Variants in RBFOX1 observed in about 807,000 individuals in gnomAD.
RBFOX1 encodes the protein RNA binding fox-1 homolog 1.
RBFOX1 carries 8 observed loss-of-function variants against 57.7 expected under a neutral mutation model. That is an observed-to-expected ratio of 0.14 (90% CI 0.08 to 0.25). The LOEUF is 0.25. Among genes scored for constraint, RBFOX1 ranks in the 10% least tolerant of loss-of-function variants. The pLI, the probability that RBFOX1 is intolerant of heterozygous loss-of-function variation, is 1.00. For missense variants in RBFOX1, 611 were observed against 548.5 expected (o/e 1.11, Z -1.14); for synonymous variants, 326 against 222.4 (o/e 1.47, Z -4.15).
rs139303046 is a variant in RBFOX1 at position 6,470,811 on chromosome 16, A to T, written c.-64+153754A>T. On this transcript the variant is annotated intron_variant, in intron 2 of 15. Coordinates refer to ENST00000550418, the MANE Select transcript of RBFOX1 (RefSeq NM_018723.4). ...TTTTTATCCTTTTTTTAACACCTCC[A>T]GTTATACATGTCTTCTAGTGTTTCT... is the stretch of plus-strand genomic sequence containing the variant. 5.0e-3 allele frequency among the ~76,000 whole-genome samples: 762 copies of T among 152,154 alleles called. 6 individuals are homozygous for T. The highest frequency in any genetic ancestry group is 0.018 in the African/African-American group (732 of 41,528).
At chr16:6,402,109 G>A (rs1192278207) in intron 2 of RBFOX1, among the ~76,000 whole-genome samples, 1 of 149,498 alleles carries the variant, frequency 6.7e-6, no homozygotes, top group African/African-American at 2.5e-5. Context: ...AAAAAAAAAA[G>A]CATTTTCTTG....
chr16:6,000,114 A>G (rs146892704), intron 4 of RBFOX1, among the ~76,000 whole-genome samples: 1 of 151,890 alleles, frequency 6.6e-6, no homozygotes, highest in African/African-American at 2.4e-5. Flanking sequence ...ACCTCCTCCT[A>G]TTATCTCATA....
At chr16:5,875,868 G>T (rs531552551) in intron 4 of RBFOX1, among the ~76,000 whole-genome samples, 1 of 150,736 alleles carries the variant, frequency 6.6e-6, no homozygotes, top group Admixed American at 6.6e-5. Context: ...TTTTGAGAGG[G>T]AGTCTTGCTT....
chr16:6,704,642 A>T (rs2062414917), intron 3 of RBFOX1: 1 of 152,730 alleles, frequency 6.5e-6, no homozygotes. Flanking sequence ...AGAGACAGAG[A>T]CAGGGAGAGA....
At chr16:7,136,289 TCA>T (rs1302167182) in intron 4 of RBFOX1, among the ~76,000 whole-genome samples, 1 of 152,162 alleles carries the variant, frequency 6.6e-6, no homozygotes, top group East Asian at 1.9e-4. Context: ...AATCAACAGT[TCA>T]GTTTGTCTCA....
intron 1 of RBFOX1, among the ~76,000 whole-genome samples, chr16:5,441,688 A>G (rs2068089247): frequency 6.6e-6 from 1 of 152,150 alleles, no homozygotes; most frequent in Non-Finnish European, 1.5e-5. Context: ...ATTGACTCAC[A>G]GTTCAGCATG....
intron 4 of RBFOX1, among the ~76,000 whole-genome samples, chr16:7,513,384 A>G (rs1343118390): frequency 2.0e-5 from 3 of 152,164 alleles, no homozygotes; most frequent in African/African-American, 7.2e-5. Context: ...CCTAACAACT[A>G]CCTGTGACTG....
chr16:6,407,389 A>G (rs2093319115), intron 2 of RBFOX1, among the ~76,000 whole-genome samples: 1 of 151,998 alleles, frequency 6.6e-6, no homozygotes. Flanking sequence ...CTATACCTAT[A>G]TGTATATATT....
chr16:6,971,092 A>G (rs1354413268), intron 3 of RBFOX1, among the ~76,000 whole-genome samples: 1 of 152,158 alleles, frequency 6.6e-6, no homozygotes. Context: ...TCCTGATTGG[A>G]TGGTAGTTAT....
intron 4 of RBFOX1, among the ~76,000 whole-genome samples, chr16:5,945,358 T>C (rs1312759720): frequency 7.2e-5 from 11 of 152,182 alleles, no homozygotes; most frequent in Admixed American, 7.2e-4. Flanking sequence ...TAACTGGATT[T>C]GGGACAGCCA....
At chr16:6,840,828 G>A (rs1328127549) in intron 3 of RBFOX1, among the ~76,000 whole-genome samples, 3 of 150,126 alleles carry the variant, frequency 2.0e-5, no homozygotes, top group Non-Finnish European at 3.0e-5. Context: ...TGGAGGTTGT[G>A]GTGAGCTGAG....
chr16:7,495,898 AGACTAT>A (rs2068481985), intron 4 of RBFOX1, among the ~76,000 whole-genome samples: 1 of 62,736 alleles, frequency 1.6e-5, no homozygotes, highest in Non-Finnish European at 3.5e-5. Context: ...CAAAGATACT[AGACTAT>A]TTTTTTTGAA....
At chr16:5,642,652 T>G (rs922476395) in intron 3 of RBFOX1, among the ~76,000 whole-genome samples, 4 of 152,078 alleles carry the variant, frequency 2.6e-5, no homozygotes, top group African/African-American at 9.7e-5. Flanking sequence ...CCTCACTGAA[T>G]AGAAGCTGGC....
intron 5 of RBFOX1, among the ~76,000 whole-genome samples, chr16:7,547,624 G>T (rs1033478824): frequency 6.6e-6 from 1 of 152,284 alleles, no homozygotes; most frequent in East Asian, 1.9e-4. Context: ...ATTGAGGCAG[G>T]CATGACAAAT....
At chr16:5,396,519 G>C (rs1222340733) in intron 1 of RBFOX1, among the ~76,000 whole-genome samples, 1 of 152,182 alleles carries the variant, frequency 6.6e-6, no homozygotes, top group South Asian at 2.1e-4. Context: ...GCACATGCCT[G>C]TATTCCCAAC....
intron 4 of RBFOX1, among the ~76,000 whole-genome samples, chr16:7,330,934 A>G (rs771655107): frequency 6.6e-5 from 10 of 152,126 alleles, no homozygotes; most frequent in Non-Finnish European, 1.3e-4. Context: ...GTCATCGTCA[A>G]AAGCTAAAGT....
chr16:5,289,056 CG>C (rs1211797593), intron 1 of RBFOX1: 1 of 157,706 alleles, frequency 6.3e-6, no homozygotes, highest in Non-Finnish European at 1.4e-5. Flanking sequence ...ACCTGGGAGG[CG>C]GAGATTTCAG....
intron 1 of RBFOX1, among the ~76,000 whole-genome samples, chr16:6,313,962 A>C (rs932642905): frequency 6.6e-6 from 1 of 152,158 alleles, no homozygotes. Flanking sequence ...GTTTTTATAA[A>C]ATAATCCCCC....
At chr16:7,013,891 C>T (rs570109942) in intron 3 of RBFOX1, among the ~76,000 whole-genome samples, 1 of 152,242 alleles carries the variant, frequency 6.6e-6, no homozygotes, top group African/African-American at 2.4e-5. Context: ...CTCTTGATCT[C>T]CAAAAATCTT....
Sources: allele counts gnomAD v4.1 joint callset (sites outside exome capture counted in the v4.1 genomes callset), GRCh38; gene constraint gnomAD v4.1.1; transcripts MANE v1.5; gene names NCBI Gene and HGNC (gene_info 2026-07-23, HGNC 2026-07-21).